Variants in RASSF2 observed in about 807,000 individuals in gnomAD.
The protein encoded by RASSF2 is Ras association domain family member 2.
RASSF2 carries 34 observed loss-of-function variants against 46.3 expected under a neutral mutation model. The observed-to-expected ratio is 0.73, with a 90% confidence interval of 0.56 to 0.98. The LOEUF is 0.98. Among genes scored for constraint, RASSF2 ranks in the 50% least tolerant of loss-of-function variants. The probability of loss-of-function intolerance (pLI) is 0.00; values close to 1 mark genes in which losing one functional copy is unlikely to be tolerated. For synonymous variants in RASSF2, 158 were observed against 162.5 expected, an observed-to-expected ratio of 0.97 and a Z score of 0.21; for missense variants, 364 against 431.2, an observed-to-expected ratio of 0.84 and a Z score of 1.38.
At position 4,801,032 on chromosome 20, in the gene RASSF2, C is replaced by G; in HGVS notation, c.-2G>C. Reference sequence around the variant, plus strand: ...GGACGTTTGGTGGCTGTAGTCCATTCTTCCTTTCTCTTTTCATCGGAAGGA... The same window carrying G: ...GGACGTTTGGTGGCTGTAGTCCATTGTTCCTTTCTCTTTTCATCGGAAGGA... On this transcript the variant is annotated 5_prime_UTR_variant, in exon 3 of 12. Coordinates refer to ENST00000379400, the MANE Select transcript of RASSF2 (RefSeq NM_014737.3). 2 of 1,613,720 alleles carry G rather than the reference C, an allele frequency of 1.2e-6. No homozygotes were observed. Among genetic ancestry groups the G allele is most frequent in the African/African-American group, 1.3e-5 (1 of 75,046 alleles).
At chr20:4,796,347 TACTACGGA>T (rs544868941) in intron 4 of RASSF2, among the ~76,000 whole-genome samples, 84 of 152,370 alleles carry the variant, frequency 5.5e-4, no homozygotes, top group African/African-American at 1.9e-3. Context: ...TCCCATCCCC[TACTACGGA>T]AAATGATGTC....
At position 4,781,015 on chromosome 20, in the gene RASSF2, G is replaced by T. The variant is rs1924766903; in HGVS notation, c.*3258C>A. On this transcript the variant is annotated 3_prime_UTR_variant, in exon 12 of 12. Transcript: ENST00000379400. ...AGAAACCTCTCTCGGCGATGTATCT[G>T]TGACACCACATTCTCTGTGCTACAG... is the stretch of plus-strand genomic sequence containing the variant. The T allele has an allele frequency of 6.6e-6, 1 of 151,768 alleles. No individual in the cohort carries two copies. Among genetic ancestry groups the T allele is most frequent in the Non-Finnish European group, 1.5e-5 (1 of 67,998 alleles). The allele number at this position is 151,768 out of a possible 1,614,324, so 9.4% of individuals were successfully genotyped here.
intron 1 of RASSF2, among the ~76,000 whole-genome samples, chr20:4,823,245 C>A (rs1247884751): frequency 6.6e-6 from 1 of 152,126 alleles, no homozygotes; most frequent in Non-Finnish European, 1.5e-5. Flanking sequence ...CCGCGCCCTG[C>A]ACCTTGCGCC....
chr20:4,810,887 CACCACCTG>C (rs544906972), intron 2 of RASSF2, among the ~76,000 whole-genome samples: 22 of 152,284 alleles, frequency 1.4e-4, no homozygotes, highest in African/African-American at 5.3e-4. Context: ...CCCACAGAGC[CACCACCTG>C]ACCAGTGGGA....
chr20:4,809,219 G>A (rs6052898), intron 2 of RASSF2, among the ~76,000 whole-genome samples: 17,815 of 152,204 alleles, frequency 0.12, 1,265 homozygotes, highest in African/African-American at 0.18. Flanking sequence ...CTGAAAGACA[G>A]CTTGGGGGTA....
chr20:4,781,079 TTGGTGG>T lies in RASSF2; in HGVS notation c.*3188_*3193del, dbSNP rs1379686425. 1.3e-5 allele frequency: 2 copies of T among 152,182 alleles called. No individual in the cohort carries two copies. Among genetic ancestry groups the T allele is most frequent in the African/African-American group, 2.4e-5 (1 of 41,446 alleles). The allele number at this position is 152,182 out of a possible 1,614,324, so 9.4% of individuals were successfully genotyped here. A position where few individuals can be genotyped will look rare whatever the true frequency, so the allele number is the denominator to read the frequency against. On this transcript the variant is annotated 3_prime_UTR_variant, in exon 12 of 12. Coordinates refer to ENST00000379400, the MANE Select transcript of RASSF2 (RefSeq NM_014737.3). ...AACATGGTTTTTGGTTGTTTTGTTG[TTGGTGG>T]TGGTTTCTTTAAAGAGAATTCCCTT... is the stretch of plus-strand genomic sequence containing the variant.
intron 2 of RASSF2, among the ~76,000 whole-genome samples, chr20:4,818,695 G>C (rs774364423): frequency 1.3e-5 from 2 of 152,282 alleles, no homozygotes; most frequent in African/African-American, 2.4e-5. Context: ...TCACAACCTA[G>C]GAATACAAAC....
rs1925755939 is a variant in RASSF2 at position 4,790,272 on chromosome 20, G to A, written c.537+179C>T. ...GGGGACTTTGAGGCTTCTGACCTGG[G>A]GTCCCTCAGCCCTCAGGAAGCCAGC... is the stretch of plus-strand genomic sequence containing the variant. On this transcript the variant is annotated intron_variant, in intron 7 of 11. Transcript: ENST00000379400. This position sits in a 1 kb window ranked among gnomAD's most constrained non-coding sequence, Gnocchi z 4.3. Among the ~76,000 whole-genome samples the A allele has an allele frequency of 6.6e-6, 1 of 152,192 alleles. No homozygotes were observed. The highest frequency in any genetic ancestry group is 2.4e-5 in the African/African-American group (1 of 41,442).
At chr20:4,810,980 C>T (rs182790728) in intron 2 of RASSF2, among the ~76,000 whole-genome samples, 39 of 152,172 alleles carry the variant, frequency 2.6e-4, no homozygotes, top group African/African-American at 8.7e-4. Context: ...TAGAGACACC[C>T]GACGTCACAG....
At chr20:4,809,811 C>T (rs1219815484) in intron 2 of RASSF2, among the ~76,000 whole-genome samples, 3 of 152,094 alleles carry the variant, frequency 2.0e-5, no homozygotes, top group African/African-American at 7.2e-5. Flanking sequence ...CAGCTGGAGC[C>T]CAGCCACAGC....
intron 2 of RASSF2, among the ~76,000 whole-genome samples, chr20:4,808,556 A>C (rs1927529707): frequency 6.7e-6 from 1 of 149,404 alleles, no homozygotes; most frequent in Admixed American, 6.8e-5. Flanking sequence ...GCACGATCAC[A>C]GGTCACTGCA....
At chr20:4,798,175 C>T in intron 3 of RASSF2, 90 bp from the exon 4 acceptor site, 2 of 1,542,486 alleles carry the variant, frequency 1.3e-6, no homozygotes, top group Non-Finnish European at 1.8e-6. Context: ...TCTCACCTGG[C>T]CTTCAGTCAC....
Position 4,792,371 on chromosome 20 carries a change from G to A in RASSF2, c.376+168C>T, listed in dbSNP as rs74545652. Among the ~76,000 whole-genome samples, 1,316 of 152,202 alleles carry A rather than the reference G, an allele frequency of 8.6e-3. 54 individuals are homozygous for A. The East Asian group carries it at 0.11, about 13-fold the overall frequency. On this transcript the variant is annotated intron_variant, in intron 6 of 11. Transcript: ENST00000379400. ...GGACTATCCCACGAAGGATGTTCTC[G>A]GGATGCTTCTAGGTGGGTGGATGAG...
At chr20:4,810,842 A>T (rs1376115521) in intron 2 of RASSF2, among the ~76,000 whole-genome samples, 3 of 152,026 alleles carry the variant, frequency 2.0e-5, no homozygotes, top group African/African-American at 7.2e-5. Flanking sequence ...TGGGGAGGAG[A>T]GGGCTTTCCA....
At chr20:4,798,963 G>T (rs2423007) in intron 3 of RASSF2, among the ~76,000 whole-genome samples, 20,856 of 151,206 alleles carry the variant, frequency 0.14, 1,581 homozygotes, top group East Asian at 0.18. Context: ...ACAACTACAC[G>T]CATGTGTGTG....
intron 8 of RASSF2, among the ~76,000 whole-genome samples, chr20:4,789,037 G>T (rs1925618643): frequency 6.6e-6 from 1 of 152,144 alleles, no homozygotes; most frequent in Non-Finnish European, 1.5e-5. Context: ...GGCTACACTG[G>T]CTTCCATTAA....
chr20:4,808,203 G>A (rs907516261), intron 2 of RASSF2, among the ~76,000 whole-genome samples: 18 of 152,196 alleles, frequency 1.2e-4, no homozygotes, highest in African/African-American at 4.3e-4. Context: ...TGGTTGCAAT[G>A]CTTCTGCCTC....
At chr20:4,808,931 T>C (rs1315892937) in intron 2 of RASSF2, among the ~76,000 whole-genome samples, 3 of 152,244 alleles carry the variant, frequency 2.0e-5, no homozygotes, top group Non-Finnish European at 2.9e-5. Context: ...AAAGCATATA[T>C]TGAATGTCTA....
intron 1 of RASSF2, among the ~76,000 whole-genome samples, chr20:4,822,856 G>A (rs1437619484): frequency 6.6e-6 from 1 of 152,096 alleles, no homozygotes; most frequent in East Asian, 1.9e-4. Context: ...GACTGGGGTC[G>A]GGCACTCTCC....
Sources: gnomAD v4.1 joint callset for allele counts (sites outside exome capture counted in the v4.1 genomes callset) on GRCh38, gnomAD v4.1.1 for gene constraint, Gnocchi (gnomAD v3.1) non-coding constraint, MANE v1.5 for transcripts, NCBI Gene and HGNC (gene_info 2026-07-23, HGNC 2026-07-21) for gene names.